The following LYPD6 variants were observed in gnomAD, a reference collection of about 807,000 sequenced individuals.
The protein encoded by LYPD6 is LY6/PLAUR domain containing 6, also known as ly6/PLAUR domain-containing protein 6.
A neutral mutation model predicts 22.7 loss-of-function variants in LYPD6; 15 were observed. The ratio of observed to expected loss-of-function variants is 0.66; its 90% CI spans 0.44 to 1.02. The LOEUF (loss-of-function observed/expected upper bound fraction) is 1.02. LYPD6 is among the 50% of genes least tolerant of loss of function. LYPD6 has a pLI of 0.00. For synonymous variants in LYPD6, 72 were observed against 77.5 expected, an observed-to-expected ratio of 0.93 and a Z score of 0.37; for missense variants, 189 against 208.4, an observed-to-expected ratio of 0.91 and a Z score of 0.57.
chr2:149,396,668 C>T (rs1041781091), intron 1 of LYPD6, among the ~76,000 whole-genome samples: 1 of 152,084 alleles, frequency 6.6e-6, no homozygotes, highest in Non-Finnish European at 1.5e-5. Flanking sequence ...GGTTGATTTA[C>T]TATTGAAACT....
chr2:149,374,249 G>A (rs1681869674), intron 1 of LYPD6, among the ~76,000 whole-genome samples: 1 of 152,120 alleles, frequency 6.6e-6, no homozygotes, highest in Non-Finnish European at 1.5e-5. Context: ...TACATAGACT[G>A]AGAAAAAAGA....
At chr2:149,380,882 G>C (rs116485621) in intron 1 of LYPD6, among the ~76,000 whole-genome samples, 2 of 152,124 alleles carry the variant, frequency 1.3e-5, no homozygotes, top group Non-Finnish European at 2.9e-5. Flanking sequence ...AATAGCAAAG[G>C]AAGGTGAGAA....
At chr2:149,396,266 A>C (rs904812706) in intron 1 of LYPD6, among the ~76,000 whole-genome samples, 1 of 150,816 alleles carries the variant, frequency 6.6e-6, no homozygotes, top group African/African-American at 2.4e-5. Flanking sequence ...CACTTCTCCT[A>C]TCTCTCCTGT....
At chr2:149,434,921 A>AAAC (rs1269626266) in intron 1 of LYPD6, among the ~76,000 whole-genome samples, 2 of 150,642 alleles carry the variant, frequency 1.3e-5, no homozygotes, top group East Asian at 1.9e-4. Flanking sequence ...CTAAAAAACA[A>AAAC]AACAACAACA....
intron 3 of LYPD6, among the ~76,000 whole-genome samples, chr2:149,450,648 C>A (rs1418975331): frequency 6.6e-6 from 1 of 152,182 alleles, no homozygotes; most frequent in Non-Finnish European, 1.5e-5. Context: ...AGTCACTGCT[C>A]ATTTCCAAAT....
intron 1 of LYPD6, among the ~76,000 whole-genome samples, chr2:149,407,511 C>G (rs556267953): frequency 1.3e-5 from 2 of 152,206 alleles, no homozygotes. Flanking sequence ...ACCCTTTCTT[C>G]CAGTTGATCG....
intron 1 of LYPD6, among the ~76,000 whole-genome samples, chr2:149,429,047 C>T (rs1213681115): frequency 3.3e-5 from 5 of 152,130 alleles, no homozygotes; most frequent in African/African-American, 4.8e-5. Flanking sequence ...TCTAGTCAGT[C>T]CTTCTGCTTC....
chr2:149,408,924 G>A (rs529117139), intron 1 of LYPD6, among the ~76,000 whole-genome samples: 11 of 152,268 alleles, frequency 7.2e-5, no homozygotes, highest in African/African-American at 1.7e-4. Flanking sequence ...CAGAGATTTT[G>A]TCTTGTTTTG....
chr2:149,416,648 G>A (rs1216149866), intron 1 of LYPD6, among the ~76,000 whole-genome samples: 1 of 152,198 alleles, frequency 6.6e-6, no homozygotes, highest in Non-Finnish European at 1.5e-5. Flanking sequence ...TGAAGGAGAA[G>A]CATAGAATCC....
At chr2:149,475,351 G>A (rs889635113), downstream of LYPD6, among the ~76,000 whole-genome samples, 1 of 152,128 alleles carries the variant, frequency 6.6e-6, no homozygotes, top group Non-Finnish European at 1.5e-5. Flanking sequence ...ACTTGGGGCA[G>A]GACTAAGGCA....
the LYPD6 span, among the ~76,000 whole-genome samples, chr2:149,483,369 A>G: frequency 3.9e-5 from 6 of 152,162 alleles, no homozygotes; most frequent in South Asian, 2.1e-4. Flanking sequence ...TCTCTAATCT[A>G]TGTTGATTGC....
At chr2:149,407,433 T>C (rs1046271967) in intron 1 of LYPD6, among the ~76,000 whole-genome samples, 6 of 152,296 alleles carry the variant, frequency 3.9e-5, no homozygotes, top group Non-Finnish European at 8.8e-5. Flanking sequence ...TGTTCGTTTC[T>C]TTTTATTCTT....
chr2:149,483,460 G>T, the LYPD6 span, among the ~76,000 whole-genome samples: 5 of 148,634 alleles, frequency 3.4e-5, no homozygotes, highest in Admixed American at 6.7e-5. Context: ...CTCTCCTTCC[G>T]CTCTCTTTCT....
At chr2:149,347,152 CGA>C (rs1020379348) in intron 1 of LYPD6, among the ~76,000 whole-genome samples, 3 of 149,760 alleles carry the variant, frequency 2.0e-5, no homozygotes, top group Non-Finnish European at 3.0e-5. Flanking sequence ...GAAGAGAGGG[CGA>C]GAGAGAGAAG....
intron 1 of LYPD6, among the ~76,000 whole-genome samples, chr2:149,354,909 T>C (rs1324077118): frequency 1.3e-5 from 2 of 152,306 alleles, no homozygotes; most frequent in East Asian, 1.9e-4. Flanking sequence ...TTTGTTTGCC[T>C]TGAAAGCTCG....
chr2:149,395,254 T>C (rs1408140036), intron 1 of LYPD6, among the ~76,000 whole-genome samples: 3 of 152,194 alleles, frequency 2.0e-5, no homozygotes, highest in Non-Finnish European at 4.4e-5. Flanking sequence ...AGTTCTGTTG[T>C]TTGTTCCTAT....
rs542143289 is a variant in LYPD6, at chr2:149,432,125, G to A, written c.-71-5513G>A. Among the ~76,000 whole-genome samples, 3 of 152,306 alleles carry A rather than the reference G, an allele frequency of 2.0e-5. No individual in the cohort carries two copies. The South Asian group carries it at 6.2e-4, about 32-fold the overall frequency. On this transcript the variant is annotated intron_variant, in intron 1 of 4. Coordinates refer to ENST00000334166, the MANE Select transcript of LYPD6 (RefSeq NM_194317.5). ...AGAAAAGAAAAGTGTTGGTGAGGATGTGGGGAAATTGAAACACATATATTG... is the reference window on the plus strand; with the variant it reads ...AGAAAAGAAAAGTGTTGGTGAGGATATGGGGAAATTGAAACACATATATTG...
At chr2:149,407,201 A>C (rs1328906094) in intron 1 of LYPD6, among the ~76,000 whole-genome samples, 1 of 152,082 alleles carries the variant, frequency 6.6e-6, no homozygotes, top group Non-Finnish European at 1.5e-5. Context: ...GAATCTGACA[A>C]TTATGTGTCT....
chr2:149,451,141 G>A (rs189417195), intron 3 of LYPD6, among the ~76,000 whole-genome samples: 26 of 152,220 alleles, frequency 1.7e-4, no homozygotes, highest in Admixed American at 1.2e-3. Flanking sequence ...TCAAGGTGCC[G>A]GCAGGTTCTA....
Sources: gnomAD v4.1 joint callset for allele counts (sites outside exome capture counted in the v4.1 genomes callset) on GRCh38, gnomAD v4.1.1 for gene constraint, MANE v1.5 for transcripts, NCBI Gene and HGNC (gene_info 2026-07-23, HGNC 2026-07-21) for gene names.